The following TOM1 variants were observed in gnomAD, a reference collection of about 807,000 sequenced individuals.
TOM1 encodes target of myb1 membrane trafficking protein.
A neutral mutation model predicts 61.3 loss-of-function variants in TOM1; 38 were observed. The ratio of observed to expected loss-of-function variants is 0.62; its 90% CI spans 0.48 to 0.81. The LOEUF is 0.81. Among genes scored for constraint, TOM1 ranks in the 40% least tolerant of loss-of-function variants. TOM1 has a pLI of 0.00. For missense variants in TOM1, 591 were observed against 659.6 expected (o/e 0.90, Z 1.14); for synonymous variants, 270 against 268.8 (o/e 1.00, Z -0.04).
At chr22:35,305,658 CAAA>C (rs137868113) in intron 1 of TOM1, among the ~76,000 whole-genome samples, 44 of 130,498 alleles carry the variant, frequency 3.4e-4, no homozygotes, top group Non-Finnish European at 3.6e-4. Context: ...GACTCAATCT[CAAA>C]AAAAAAAAAA....
intron 12 of TOM1, among the ~76,000 whole-genome samples, chr22:35,343,736 C>CTACACACACACCACATGCATCT (rs1930220829): frequency 1.4e-5 from 2 of 138,466 alleles, no homozygotes; most frequent in Admixed American, 7.2e-5. Context: ...CTACACCCAC[C>CTACACACACACCACATGCATCT]ACACCTACAC....
chr22:35,301,231 A>AACACAT (rs1473581683), intron 1 of TOM1, among the ~76,000 whole-genome samples: 2 of 152,098 alleles, frequency 1.3e-5, no homozygotes, highest in Admixed American at 1.3e-4. Context: ...CATCTCTTGA[A>AACACAT]ACACATACAC....
chr22:35,321,082 A>T (rs1369411318), intron 2 of TOM1, among the ~76,000 whole-genome samples: 1 of 150,766 alleles, frequency 6.6e-6, no homozygotes, highest in African/African-American at 2.4e-5. Context: ...GGGCTCAGGG[A>T]CTCATGCCTG....
chr22:35,302,306 T>TTTTTTC (rs1490823354), intron 1 of TOM1, among the ~76,000 whole-genome samples: 13 of 149,572 alleles, frequency 8.7e-5, no homozygotes, highest in African/African-American at 2.2e-4. Flanking sequence ...GAATTTCTTT[T>TTTTTTC]TTTTTCTTTT....
chr22:35,319,693 A>G (rs903812825), intron 2 of TOM1, among the ~76,000 whole-genome samples: 1 of 152,146 alleles, frequency 6.6e-6, no homozygotes, highest in Non-Finnish European at 1.5e-5. Flanking sequence ...AAGAGGTGGA[A>G]AGAAGTCACT....
Position 35,344,004 on chromosome 22 carries a change from TACACCTACACAC to T in TOM1, c.1225-1710_1225-1699del, listed in dbSNP as rs918571854. On this transcript the variant is annotated intron_variant, in intron 12 of 14. Transcript: ENST00000449058. ...ACCTACACATACAAACCTACACTCATACACCTACACACACACCTACACTCATACACCTACATA... is the reference window on the plus strand; with the variant it reads ...ACCTACACATACAAACCTACACTCATACACCTACACTCATACACCTACATA... Among the ~76,000 whole-genome samples, 601 of 143,714 alleles carry T rather than the reference TACACCTACACAC, an allele frequency of 4.2e-3. 4 individuals are homozygous for T. The highest frequency in any genetic ancestry group is 0.014 in the African/African-American group (552 of 38,128). The allele number at this position is 143,714 out of a possible 152,430, so 94.3% of individuals were successfully genotyped here. A position where few individuals can be genotyped will look rare whatever the true frequency, so the allele number is the denominator to read the frequency against.
At chr22:35,308,334 A>G (rs1449613796) in intron 1 of TOM1, among the ~76,000 whole-genome samples, 1 of 133,658 alleles carries the variant, frequency 7.5e-6, no homozygotes, top group Non-Finnish European at 1.5e-5. Flanking sequence ...CCCAGGCTGG[A>G]GTGCAGTGGG....
chr22:35,326,536 A>G (rs533102408), intron 6 of TOM1, among the ~76,000 whole-genome samples: 1 of 152,384 alleles, frequency 6.6e-6, no homozygotes, highest in South Asian at 2.1e-4. Context: ...GGTGGGGTAC[A>G]GGGCAAGGAC....
chr22:35,307,776 G>A (rs1183763332), intron 1 of TOM1, among the ~76,000 whole-genome samples: 1 of 152,184 alleles, frequency 6.6e-6, no homozygotes, highest in East Asian at 1.9e-4. Flanking sequence ...GGCTGAGACA[G>A]ACAGAGAATT....
intron 13 of TOM1, among the ~76,000 whole-genome samples, chr22:35,346,548 C>A (rs1428774361): frequency 6.6e-6 from 1 of 152,202 alleles, no homozygotes. Context: ...GTGAGGACCA[C>A]CCACCCCTTG....
chr22:35,347,036 C>A lies in TOM1; in HGVS notation c.1325-19C>A, dbSNP rs1277941035. 6.2e-7 allele frequency: 1 copy of A among 1,609,684 alleles called. No homozygotes were observed. The highest frequency in any genetic ancestry group is 8.5e-7 in the Non-Finnish European group (1 of 1,177,588). ...GCTCTGGCCTCAGGGCCTACCCTCA[C>A]CCTCTCCCCTTCCTCTAGAATTTGA... is the stretch of plus-strand genomic sequence containing the variant. On this transcript the variant is annotated intron_variant, in intron 14 of 14. Coordinates refer to ENST00000449058, the MANE Select transcript of TOM1 (RefSeq NM_005488.3).
chr22:35,335,196 T>C (rs1396430648), intron 11 of TOM1, among the ~76,000 whole-genome samples: 1 of 152,198 alleles, frequency 6.6e-6, no homozygotes, highest in African/African-American at 2.4e-5. Flanking sequence ...CCCCCAGGGC[T>C]GAGCTGTGGG....
At chr22:35,316,845 C>T (rs1244303229) in intron 1 of TOM1, among the ~76,000 whole-genome samples, 1 of 152,172 alleles carries the variant, frequency 6.6e-6, no homozygotes, top group Non-Finnish European at 1.5e-5. Context: ...CCGTACCGTG[C>T]TGATACCTTG....
chr22:35,299,721 C>A, upstream of TOM1: 1 of 603,742 alleles, frequency 1.7e-6, no homozygotes, highest in Non-Finnish European at 2.9e-6. Flanking sequence ...CGCCCGCCGC[C>A]GCCGAGCAAG....
At chr22:35,319,883 G>A (rs901639539) in intron 2 of TOM1, among the ~76,000 whole-genome samples, 8 of 152,164 alleles carry the variant, frequency 5.3e-5, no homozygotes, top group Non-Finnish European at 8.8e-5. Context: ...AGGCCTGACC[G>A]CCTCCATAGC....
intron 1 of TOM1, among the ~76,000 whole-genome samples, chr22:35,300,775 T>C (rs1925683125): frequency 1.3e-5 from 2 of 152,162 alleles, no homozygotes; most frequent in African/African-American, 4.8e-5. Context: ...GGGCCGAGGT[T>C]TCCTCACCTG....
At chr22:35,345,885 C>A (rs1930468504) in intron 13 of TOM1, 101 bp downstream of exon 13, 19 of 1,239,508 alleles carry the variant, frequency 1.5e-5, no homozygotes, top group South Asian at 3.6e-5. Context: ...GCATATAGCA[C>A]CCTGAGAGCA....
intron 3 of TOM1, 152 bp downstream of exon 3, chr22:35,322,189 G>T: frequency 1.5e-6 from 1 of 650,892 alleles, no homozygotes. Context: ...CTACACTGCA[G>T]GCGGATGCAG....
chr22:35,299,799 C>G, upstream of TOM1: 1 of 1,050,910 alleles, frequency 9.5e-7, no homozygotes, highest in South Asian at 1.5e-5. Flanking sequence ...GGCTTGTGGT[C>G]GAGCTTCGCG....
Sources: gnomAD v4.1 joint callset for allele counts (sites outside exome capture counted in the v4.1 genomes callset) on GRCh38, gnomAD v4.1.1 for gene constraint, MANE v1.5 for transcripts, NCBI Gene and HGNC (gene_info 2026-07-23, HGNC 2026-07-21) for gene names.